The following LDB3 variants were observed in gnomAD, a reference collection of about 807,000 sequenced individuals.
LDB3 encodes LIM domain-binding protein 3.
A neutral mutation model predicts 69.0 loss-of-function variants in LDB3; 49 were observed. That is an observed-to-expected ratio of 0.71 (90% CI 0.56 to 0.90). The LOEUF (loss-of-function observed/expected upper bound fraction) is 0.90, where lower values mean the gene tolerates loss of function less well. Ranked by LOEUF, LDB3 falls within the 40% of genes least tolerant of loss-of-function variation. LDB3 has a pLI of 0.00. For synonymous variants in LDB3, 387 were observed against 396.2 expected, an observed-to-expected ratio of 0.98 and a Z score of 0.28; for missense variants, 928 against 974.1, an observed-to-expected ratio of 0.95 and a Z score of 0.63.
chr10:86,682,426 G>T (rs1435691536), intron 5 of LDB3, among the ~76,000 whole-genome samples: 1 of 152,106 alleles, frequency 6.6e-6, no homozygotes, highest in East Asian at 1.9e-4. Flanking sequence ...CTGTGCAGGA[G>T]AACAGCAGCC....
intron 2 of LDB3, among the ~76,000 whole-genome samples, chr10:86,677,610 A>G (rs1844870669): frequency 6.6e-6 from 1 of 152,124 alleles, no homozygotes; most frequent in Admixed American, 6.5e-5. Context: ...CCCGGGATGG[A>G]GTTGCAGTGG....
chr10:86,678,224 T>A (rs1844909590), intron 2 of LDB3, among the ~76,000 whole-genome samples: 1 of 152,002 alleles, frequency 6.6e-6, no homozygotes, highest in Admixed American at 6.6e-5. Context: ...ATTTTTTTTG[T>A]AATTTTGGTA....
chr10:86,687,126 C>T (rs1249638992), intron 5 of LDB3: 6 of 1,614,080 alleles, frequency 3.7e-6, no homozygotes, highest in Non-Finnish European at 5.1e-6. Flanking sequence ...CCCTGTCCAC[C>T]CACAAGCCCA....
Position 86,709,944 on chromosome 10 carries a change from T to G in LDB3, c.1125T>G (p.Ser375=), listed in dbSNP as rs765902325. 1 of 1,612,770 alleles carries G rather than the reference T, an allele frequency of 6.2e-7. No individual in the cohort carries two copies. The highest frequency in any genetic ancestry group is 1.1e-5 in the South Asian group (1 of 91,076). ...ASSYSPAVAA[S]SAPATHTSYS... ...CCTACAGCCCCGCAGTGGCCGCCTC[T>G]TCAGCACCTGCCACCCACACCAGCT... Residue 375 remains serine (S), a synonymous_variant, in exon 9 of 14, where the codon TCT becomes TCG. Coordinates refer to ENST00000361373, the MANE Select transcript of LDB3 (RefSeq NM_007078.3).
At chr10:86,722,395 G>A (rs1371852101) in intron 12 of LDB3, among the ~76,000 whole-genome samples, 2 of 151,838 alleles carry the variant, frequency 1.3e-5, no homozygotes, top group African/African-American at 2.4e-5. Flanking sequence ...CAAGTAGCTG[G>A]GACTACAGGC....
chr10:86,671,453 G>T (rs1251989161), intron 2 of LDB3, among the ~76,000 whole-genome samples: 1 of 152,192 alleles, frequency 6.6e-6, no homozygotes, highest in Non-Finnish European at 1.5e-5. Flanking sequence ...TAGGGTCTCT[G>T]CTTGCAGACC....
intron 7 of LDB3, among the ~76,000 whole-genome samples, chr10:86,695,135 T>A (rs1447649575): frequency 1.4e-4 from 4 of 27,890 alleles, no homozygotes; most frequent in South Asian, 2.6e-3. Flanking sequence ...AGGTGCTTTC[T>A]CCTTCCTGGT....
chr10:86,676,922 G>A (rs1484049910), intron 2 of LDB3, among the ~76,000 whole-genome samples: 4 of 152,244 alleles, frequency 2.6e-5, no homozygotes, highest in Non-Finnish European at 5.9e-5. Context: ...GCAAGGGACT[G>A]TCCCCAGAGC....
chr10:86,687,089 T>G, intron 5 of LDB3: 1 of 1,614,070 alleles, frequency 6.2e-7, no homozygotes, highest in Non-Finnish European at 8.5e-7. Context: ...CAGGAACGCT[T>G]CAACCCCAGT....
Position 86,733,344 on chromosome 10 carries a change from A to G in LDB3, c.*368A>G, listed in dbSNP as rs1368512903. On this transcript the variant is annotated 3_prime_UTR_variant, in exon 14 of 14. Transcript: ENST00000361373. ...GCTTAGAGCAGCTGTGGAGAATCTG[A>G]AGCATTCTGCGGAGTTCTTAAGCGC... 1 of 310,778 alleles carries G rather than the reference A, an allele frequency of 3.2e-6. No homozygotes were observed. Among genetic ancestry groups the G allele is most frequent in the Non-Finnish European group, 6.2e-6 (1 of 160,658 alleles). 19.3% of individuals were successfully genotyped at this position (310,778 alleles called of 1,614,324 possible).
chr10:86,711,428 G>C (rs2132469851), intron 9 of LDB3, among the ~76,000 whole-genome samples: 2 of 152,150 alleles, frequency 1.3e-5, no homozygotes, highest in East Asian at 3.9e-4. Flanking sequence ...GGGGGAAAGA[G>C]GCGGCCGGGC....
At chr10:86,687,063 C>G in intron 5 of LDB3, 1 of 1,613,872 alleles carries the variant, frequency 6.2e-7, no homozygotes, top group Non-Finnish European at 8.5e-7. Flanking sequence ...CGCACCCCTC[C>G]CCCAGCGCCG....
intron 12 of LDB3, among the ~76,000 whole-genome samples, chr10:86,720,327 C>T (rs1847030457): frequency 6.6e-6 from 1 of 151,988 alleles, no homozygotes; most frequent in Non-Finnish European, 1.5e-5. Flanking sequence ...GTCTGTAATC[C>T]CAGCTACTCG....
At chr10:86,694,210 A>C (rs1363404171) in intron 7 of LDB3, among the ~76,000 whole-genome samples, 1 of 152,186 alleles carries the variant, frequency 6.6e-6, no homozygotes, top group East Asian at 1.9e-4. Flanking sequence ...GCACAAAGGC[A>C]GTGTTGAAGG....
rs769237064 is a variant in LDB3, at chr10:86,728,586, G to GTTTTTTTTTTGT, written c.2094+2344_2094+2345insGTTTTTTTTTTT. Among the ~76,000 whole-genome samples the GTTTTTTTTTTGT allele has an allele frequency of 1.1e-3, 150 of 131,446 alleles. 1 individual carries two copies. The highest frequency in any genetic ancestry group is 4.1e-3 in the African/African-American group (144 of 35,396). 86.2% of individuals were successfully genotyped at this position (131,446 alleles called of 152,430 possible). A position where few individuals can be genotyped will look rare whatever the true frequency, so the allele number is the denominator to read the frequency against. On this transcript the variant is annotated intron_variant, in intron 13 of 13. Coordinates refer to ENST00000361373, the MANE Select transcript of LDB3 (RefSeq NM_007078.3). ...TAGCAAAGTGGAACATGGTTCTTTT[G>GTTTTTTTTTTGT]TTTTTTTTTTTTTTTGAGACAAAGT...
Position 86,680,099 on chromosome 10 carries a change from C to A in LDB3, c.263C>A (p.Pro88His). ...LTLQKSKRPI[P>H]ISTTAPPVQT... ...TTCTACAGATCAAAGCGTCCCATTC[C>A]CATCTCCACGACAGCACCTCCAGTC... Residue 88 changes from proline (P) to histidine (H), a missense_variant, in exon 4 of 14, where the codon CCC (proline) becomes CAC (histidine). Physicochemically the swap from Pro to His is moderately conservative, Grantham distance 77. Coordinates refer to ENST00000361373, the MANE Select transcript of LDB3 (RefSeq NM_007078.3). The A allele has an allele frequency of 6.2e-7, 1 of 1,614,208 alleles. No homozygotes were observed. Among genetic ancestry groups the A allele is most frequent in the Non-Finnish European group, 8.5e-7 (1 of 1,180,000 alleles).
Position 86,699,224 on chromosome 10 carries a change from T to C in LDB3, c.896+6653T>C. On this transcript the variant is annotated intron_variant, in intron 7 of 13. Coordinates refer to ENST00000361373, the MANE Select transcript of LDB3 (RefSeq NM_007078.3). The surrounding 1 kb of genome is among the most constrained non-coding windows in gnomAD (Gnocchi z 4.9). ...ATTCTCCCTCTCTTCTCTCTCTTTC[T>C]GTCTCTGTCTCTGTTTCTCTCTCTC... The C allele has an allele frequency of 6.4e-7, 1 of 1,563,068 alleles. No individual in the cohort carries two copies. Among genetic ancestry groups the C allele is most frequent in the Non-Finnish European group, 8.6e-7 (1 of 1,158,710 alleles).
rs954755905 is a variant in LDB3 at position 86,735,666 on chromosome 10, A to C, written c.*2690A>C. 5 of 151,554 alleles carry C rather than the reference A, an allele frequency of 3.3e-5. No individual in the cohort carries two copies. Among genetic ancestry groups the C allele is most frequent in the African/African-American group, 1.2e-4 (5 of 41,152 alleles). 9.4% of individuals were successfully genotyped at this position (151,554 alleles called of 1,614,324 possible). A position where few individuals can be genotyped will look rare whatever the true frequency, so the allele number is the denominator to read the frequency against. ...TGTGGTGGCAGGCGCCTGTAGTTCC[A>C]GCTACTTGGGAGGCTGAGGCAGGAA... On this transcript the variant is annotated 3_prime_UTR_variant, in exon 14 of 14. Transcript: ENST00000361373.
At chr10:86,721,230 CA>C (rs1847075043) in intron 12 of LDB3, among the ~76,000 whole-genome samples, 1 of 152,224 alleles carries the variant, frequency 6.6e-6, no homozygotes, top group Non-Finnish European at 1.5e-5. Context: ...GCCTTGCAAA[CA>C]CTTGTTATTT....
Sources: allele counts gnomAD v4.1 joint callset (sites outside exome capture counted in the v4.1 genomes callset), GRCh38; gene constraint gnomAD v4.1.1; non-coding constraint Gnocchi (gnomAD v3.1); transcripts MANE v1.5; gene names NCBI Gene and HGNC (gene_info 2026-07-23, HGNC 2026-07-21).